The following RANBP17 variants were observed in gnomAD, a reference collection of about 807,000 sequenced individuals.
The protein encoded by RANBP17 is ran-binding protein 17.
RANBP17 carries 158 observed loss-of-function variants against 141.2 expected under a neutral mutation model. The ratio of observed to expected loss-of-function variants is 1.12; its 90% CI spans 0.98 to 1.28. The LOEUF (loss-of-function observed/expected upper bound fraction) is 1.28. Ranked by LOEUF, RANBP17 falls within the 50% of genes most tolerant of loss-of-function variation. RANBP17 has a pLI of 0.00. For synonymous variants in RANBP17, 430 were observed against 450.0 expected (o/e 0.96, Z 0.56); for missense variants, 1,438 against 1,290.7 (o/e 1.11, Z -1.75).
rs749198151 is a variant in RANBP17, at chr5:171,199,759, C to T, written c.2128C>T (p.Gln710Ter). The T allele has an allele frequency of 1.9e-6, 3 of 1,597,596 alleles. No homozygotes were observed. The highest frequency in any genetic ancestry group is 3.4e-5 in the Admixed American group (2 of 59,344). The change falls in exon 19 of 28, where the codon CAA (glutamine) becomes TAA (stop). Residue 710 changes from glutamine (Q) to a stop codon, truncating the protein, a stop_gained. Transcript: ENST00000523189. LOFTEE classifies it high-confidence loss of function. ...ACAAATATTCAACAACAACTTTAAA[C>T]AAGAAGATGTAAAGGTGGGTTTGTT... ...VLQIFNNNFK[Q>*]EDVKRMLIGL... is the part of the protein sequence containing the mutation.
At chr5:170,995,429 G>C (rs1376310564) in intron 14 of RANBP17, among the ~76,000 whole-genome samples, 1 of 152,024 alleles carries the variant, frequency 6.6e-6, no homozygotes. Context: ...TTTGACTTCA[G>C]AGAAACCAAA....
intron 14 of RANBP17, among the ~76,000 whole-genome samples, chr5:170,990,738 A>T (rs1247658152): frequency 6.6e-6 from 1 of 152,036 alleles, no homozygotes; most frequent in African/African-American, 2.4e-5. Context: ...GGTTAATGCC[A>T]TACATATTCA....
At chr5:171,123,760 C>T (rs991920483) in intron 14 of RANBP17, among the ~76,000 whole-genome samples, 10 of 152,242 alleles carry the variant, frequency 6.6e-5, no homozygotes, top group African/African-American at 9.6e-5. Context: ...GAGGAACTTA[C>T]AGGCACCACT....
At chr5:170,985,190 T>C (rs1483068503) in intron 14 of RANBP17, among the ~76,000 whole-genome samples, 1 of 151,960 alleles carries the variant, frequency 6.6e-6, no homozygotes, top group African/African-American at 2.4e-5. Flanking sequence ...CTTCTGAATA[T>C]CTACCAAAAG....
intron 14 of RANBP17, among the ~76,000 whole-genome samples, chr5:170,974,201 C>G (rs1367349675): frequency 1.3e-5 from 2 of 152,114 alleles, no homozygotes; most frequent in Admixed American, 6.5e-5. Context: ...TCATTCTGAG[C>G]CAAATTACCC....
In RANBP17 at chr5:171,073,670, G is replaced by A. The variant is rs562306303; in HGVS notation, c.1711-96460G>A. Among the ~76,000 whole-genome samples, 11 of 152,156 alleles carry A rather than the reference G, an allele frequency of 7.2e-5. No homozygotes were observed. The South Asian group carries it at 1.5e-3, about 20-fold the overall frequency. ...AAAGGCCTAGAAGCAGTGTCACCCC[G>A]GTAGCTACAGACTCATTCAGCGTCT... On this transcript the variant is annotated intron_variant, in intron 14 of 27. Coordinates refer to ENST00000523189, the MANE Select transcript of RANBP17 (RefSeq NM_022897.5).
intron 20 of RANBP17, 136 bp downstream of exon 20, chr5:171,205,748 T>C: frequency 1.4e-6 from 1 of 738,128 alleles, no homozygotes; most frequent in Non-Finnish European, 2.4e-6. Context: ...AGCTAAAAAT[T>C]ACAGCACAGT....
At chr5:171,164,886 A>G (rs1048108592) in intron 14 of RANBP17, among the ~76,000 whole-genome samples, 1 of 152,246 alleles carries the variant, frequency 6.6e-6, no homozygotes, top group Non-Finnish European at 1.5e-5. Context: ...TTAATTGAAC[A>G]TATTTGTAAA....
chr5:171,271,879 G>A (rs999382294), intron 25 of RANBP17, among the ~76,000 whole-genome samples: 6 of 152,100 alleles, frequency 3.9e-5, no homozygotes, highest in Non-Finnish European at 8.8e-5. Context: ...ATACATAGTG[G>A]GAAGAAAAAT....
intron 3 of RANBP17, among the ~76,000 whole-genome samples, chr5:170,883,659 A>G (rs1768909868): frequency 6.6e-6 from 1 of 152,010 alleles, no homozygotes; most frequent in Admixed American, 6.6e-5. Context: ...TGCCTTTTCC[A>G]GAATATGATA....
chr5:170,969,738 T>G (rs1033432397), intron 14 of RANBP17, among the ~76,000 whole-genome samples: 1 of 152,040 alleles, frequency 6.6e-6, no homozygotes, highest in Non-Finnish European at 1.5e-5. Flanking sequence ...GTTTCAAAAC[T>G]TTTAATATAA....
At chr5:171,056,379 A>G (rs962541163) in intron 14 of RANBP17, among the ~76,000 whole-genome samples, 5 of 152,172 alleles carry the variant, frequency 3.3e-5, no homozygotes, top group South Asian at 2.1e-4. Context: ...GTGAATGACA[A>G]CATGTCTTAG....
intron 11 of RANBP17, 109 bp from the exon 12 acceptor site, chr5:170,924,244 CTCTG>C (rs1388075843): frequency 5.9e-6 from 4 of 679,374 alleles, no homozygotes; most frequent in African/African-American, 3.6e-5. Context: ...AACCTCCTGC[CTCTG>C]TCTTTTATTC....
intron 14 of RANBP17, among the ~76,000 whole-genome samples, chr5:171,004,886 G>A (rs1373517825): frequency 6.6e-6 from 1 of 152,170 alleles, no homozygotes; most frequent in Non-Finnish European, 1.5e-5. Flanking sequence ...AGGAGCCCCT[G>A]CGAGCTGTGG....
chr5:171,273,164 CG>C lies in RANBP17; in HGVS notation c.2943+7318del, dbSNP rs1305831509. ...CACCATGTGCTTTGCATCTCTCTCCCGTATCCAGCACATCTCTCTTCATTGT... is the reference window on the plus strand; with the variant it reads ...CACCATGTGCTTTGCATCTCTCTCCCTATCCAGCACATCTCTCTTCATTGT... On this transcript the variant is annotated intron_variant, in intron 25 of 27. Transcript: ENST00000523189. Among the ~76,000 whole-genome samples the C allele has an allele frequency of 3.3e-5, 5 of 152,316 alleles. No individual in the cohort carries two copies. In the East Asian group the frequency reaches 9.6e-4, roughly 29 times the overall value.
In RANBP17 at chr5:171,046,847, T is replaced by C. The variant is rs562388728; in HGVS notation, c.1710+78470T>C. Among the ~76,000 whole-genome samples, 15 of 152,284 alleles carry C rather than the reference T, an allele frequency of 9.9e-5. No homozygotes were observed. In the South Asian group the frequency reaches 2.5e-3, roughly 25 times the overall value. On this transcript the variant is annotated intron_variant, in intron 14 of 27. Transcript: ENST00000523189. ...ATAGAAACTGTCTTACTCTAATTTATATTTCATTAAATATTAGGACATTTA... is the reference window on the plus strand; with the variant it reads ...ATAGAAACTGTCTTACTCTAATTTACATTTCATTAAATATTAGGACATTTA...
rs537401639 is a variant in RANBP17, at chr5:171,027,391, T to C, written c.1710+59014T>C. 2.0e-5 allele frequency among the ~76,000 whole-genome samples: 3 copies of C among 152,294 alleles called. No individual in the cohort carries two copies. In the South Asian group the frequency reaches 6.2e-4, roughly 32 times the overall value. On this transcript the variant is annotated intron_variant, in intron 14 of 27. Transcript: ENST00000523189. ...TTATCTCCTTATGATGCTTTTGAAG[T>C]ATTAATATAGGTGGAATTACCTATG...
At chr5:171,182,344 T>G (rs1413418457) in intron 16 of RANBP17, among the ~76,000 whole-genome samples, 1 of 152,190 alleles carries the variant, frequency 6.6e-6, no homozygotes, top group Non-Finnish European at 1.5e-5. Flanking sequence ...TACCTGAAAT[T>G]ATTTAGTCCT....
intron 23 of RANBP17, 112 bp downstream of exon 23, chr5:171,241,254 T>G: frequency 1.3e-6 from 1 of 779,832 alleles, no homozygotes; most frequent in South Asian, 1.9e-5. Context: ...ATTTTATGTT[T>G]TAAGACAGCA....
Sources: allele counts gnomAD v4.1 joint callset (sites outside exome capture counted in the v4.1 genomes callset), GRCh38; gene constraint gnomAD v4.1.1; transcripts MANE v1.5; gene names NCBI Gene and HGNC (gene_info 2026-07-23, HGNC 2026-07-21).